SEPTIN10: variants seen among roughly 807,000 people sequenced by gnomAD.
The protein encoded by SEPTIN10 is septin-10.
Under a neutral mutation model 54.8 loss-of-function variants are expected in SEPTIN10, and 66 were observed. The observed-to-expected ratio is 1.21, with a 90% CI of 0.99 to 1.48. The LOEUF is 1.48. SEPTIN10 is among the 40% of genes most tolerant of loss of function. SEPTIN10 has a pLI of 0.00. For missense variants in SEPTIN10, 620 were observed against 545.6 expected, an observed-to-expected ratio of 1.14 and a Z score of -1.36; for synonymous variants, 161 against 181.0, an observed-to-expected ratio of 0.89 and a Z score of 0.89.
chr2:109,551,474 C>CA (rs1452558051), intron 9 of SEPTIN10, among the ~76,000 whole-genome samples: 1 of 152,034 alleles, frequency 6.6e-6, no homozygotes, highest in Non-Finnish European at 1.5e-5. Flanking sequence ...GGTTCAAAAA[C>CA]AAAAACAGAA....
chr2:109,608,727 G>T (rs1698560624), intron 1 of SEPTIN10, among the ~76,000 whole-genome samples: 1 of 152,112 alleles, frequency 6.6e-6, no homozygotes, highest in Non-Finnish European at 1.5e-5. Context: ...TGAGATACAT[G>T]ATTCCTCCTC....
chr2:109,593,189 T>C, intron 1 of SEPTIN10, 70 bp from the exon 2 acceptor site: 1 of 967,206 alleles, frequency 1.0e-6, no homozygotes, highest in Non-Finnish European at 1.5e-6. Context: ...ATCTGAATAA[T>C]ATATTTACAT....
At position 109,543,888 on chromosome 2, in the gene SEPTIN10, C is replaced by G; in HGVS notation, c.*421G>C. ...AATATCTGCATATACACAACGGGAC[C>G]CGACTCTAATTACATAATTCATGTT... On this transcript the variant is annotated 3_prime_UTR_variant, in exon 11 of 11. Transcript: ENST00000397712. 2.5e-6 allele frequency: 1 copy of G among 407,312 alleles called. No homozygotes were observed. The highest frequency in any genetic ancestry group is 4.4e-6 in the Non-Finnish European group (1 of 228,514). The allele number at this position is 407,312 out of a possible 1,614,324, so 25.2% of individuals were successfully genotyped here. A position where few individuals can be genotyped will look rare whatever the true frequency, so the allele number is the denominator to read the frequency against.
chr2:109,549,732 G>GT (rs988845333), intron 9 of SEPTIN10, among the ~76,000 whole-genome samples: 11 of 152,238 alleles, frequency 7.2e-5, no homozygotes, highest in African/African-American at 2.6e-4. Flanking sequence ...CATACCCTAT[G>GT]TTTTTTCCTA....
intron 1 of SEPTIN10, among the ~76,000 whole-genome samples, chr2:109,604,410 GA>G (rs1268015836): frequency 1.4e-5 from 2 of 138,178 alleles, no homozygotes; most frequent in African/African-American, 5.4e-5. Context: ...GGGGAGAAAA[GA>G]AAGAAAGAAA....
At chr2:109,561,729 G>A (rs576549178) in intron 8 of SEPTIN10, among the ~76,000 whole-genome samples, 3 of 152,206 alleles carry the variant, frequency 2.0e-5, no homozygotes, top group African/African-American at 7.2e-5. Flanking sequence ...GGTCAATAAC[G>A]ATCACCACCA....
intron 1 of SEPTIN10, among the ~76,000 whole-genome samples, chr2:109,598,071 GT>G (rs942501619): frequency 6.6e-6 from 1 of 151,722 alleles, no homozygotes; most frequent in East Asian, 1.9e-4. Flanking sequence ...GTTTTGTTTT[GT>G]TTTTTTTGAG....
In SEPTIN10 at chr2:109,544,214, TAAAAC is replaced by T. The variant is rs1023946717; in HGVS notation, c.*90_*94del. On this transcript the variant is annotated 3_prime_UTR_variant, in exon 11 of 11. Transcript: ENST00000397712. ...GGCTGTTCACCAAATATAGAAGTGA[TAAAAC>T]AAATAACAGCAAAATCAAAGCACAC... The T allele has an allele frequency of 1.7e-5, 28 of 1,609,356 alleles. No individual in the cohort carries two copies. The highest frequency in any genetic ancestry group is 2.2e-5 in the East Asian group (1 of 44,824).
In SEPTIN10 at chr2:109,574,871, CAGTT is replaced by C. The variant is rs777584966; in HGVS notation, c.414-108_414-105del. 16 of 714,454 alleles carry C rather than the reference CAGTT, an allele frequency of 2.2e-5. No homozygotes were observed. The East Asian group carries it at 2.4e-4, about 11-fold the overall frequency. 44.3% of individuals were successfully genotyped at this position (714,454 alleles called of 1,614,324 possible). On this transcript the variant is annotated intron_variant, in intron 4 of 10. Transcript: ENST00000397712. ...GTCTATATTTTCACTAATTAATAAA[CAGTT>C]AATATCTATGCTGAACAGATTAACT...
At chr2:109,585,506 C>T (rs1460205285) in intron 3 of SEPTIN10, among the ~76,000 whole-genome samples, 185 bp from the exon 4 acceptor site, 1 of 152,194 alleles carries the variant, frequency 6.6e-6, no homozygotes, top group Admixed American at 6.5e-5. Context: ...TGCTAAGCTA[C>T]TCAGGACTCT....
intron 1 of SEPTIN10, among the ~76,000 whole-genome samples, chr2:109,607,795 C>G (rs896423375): frequency 1.3e-4 from 20 of 152,126 alleles, no homozygotes; most frequent in African/African-American, 4.8e-4. Context: ...GTGTTCACCC[C>G]TAGGGAAACT....
intron 1 of SEPTIN10, among the ~76,000 whole-genome samples, chr2:109,600,992 G>A (rs193276810): frequency 3.3e-5 from 5 of 152,248 alleles, no homozygotes; most frequent in Non-Finnish European, 7.4e-5. Flanking sequence ...TGTCCCCATG[G>A]AGGAGGGTAT....
chr2:109,553,789 G>A (rs1431208849), intron 8 of SEPTIN10, among the ~76,000 whole-genome samples: 3 of 151,850 alleles, frequency 2.0e-5, no homozygotes, highest in Non-Finnish European at 4.4e-5. Flanking sequence ...AGGAGGTGAA[G>A]GTTGCAGTGA....
chr2:109,560,964 T>C (rs1449798131), intron 8 of SEPTIN10, among the ~76,000 whole-genome samples: 1 of 152,178 alleles, frequency 6.6e-6, no homozygotes, highest in Non-Finnish European at 1.5e-5. Context: ...CTAACTGGCC[T>C]CTCCTAAGCA....
intron 2 of SEPTIN10, among the ~76,000 whole-genome samples, chr2:109,588,656 A>T (rs1693172499): frequency 6.6e-6 from 1 of 151,920 alleles, no homozygotes; most frequent in Non-Finnish European, 1.5e-5. Flanking sequence ...ACGCCTGGCT[A>T]ATTTTTGTAT....
At chr2:109,571,071 A>G (rs894107987) in intron 5 of SEPTIN10, among the ~76,000 whole-genome samples, 1 of 151,964 alleles carries the variant, frequency 6.6e-6, no homozygotes, top group Non-Finnish European at 1.5e-5. Context: ...TGGTTGTTTA[A>G]AAGTGTGTAG....
intron 10 of SEPTIN10, chr2:109,545,650 C>T: frequency 6.7e-7 from 1 of 1,496,010 alleles, no homozygotes; most frequent in Non-Finnish European, 8.9e-7. Context: ...TATAATTCCC[C>T]AACAAAGGGC....
intron 2 of SEPTIN10, among the ~76,000 whole-genome samples, chr2:109,586,979 A>G (rs1692714160): frequency 6.6e-6 from 1 of 152,228 alleles, no homozygotes; most frequent in Non-Finnish European, 1.5e-5. Flanking sequence ...TCTACTATAC[A>G]ATAAAAAAAT....
At chr2:109,544,977 A>G in intron 10 of SEPTIN10, 2 of 985,432 alleles carry the variant, frequency 2.0e-6, no homozygotes, top group Non-Finnish European at 2.4e-6. Context: ...TAAGCCAATA[A>G]AATCTGCCAA....
Sources: gnomAD v4.1 joint callset for allele counts (sites outside exome capture counted in the v4.1 genomes callset) on GRCh38, gnomAD v4.1.1 for gene constraint, MANE v1.5 for transcripts, NCBI Gene and HGNC (gene_info 2026-07-23, HGNC 2026-07-21) for gene names.